CMIP: variants seen among roughly 807,000 people sequenced by gnomAD.
CMIP encodes the protein C-Maf-inducing protein.
A neutral mutation model predicts 97.3 loss-of-function variants in CMIP; 13 were observed. The ratio of observed to expected loss-of-function variants is 0.13; its 90% confidence interval spans 0.09 to 0.21. The LOEUF is 0.21. Ranked by LOEUF, CMIP falls within the 10% of genes least tolerant of loss-of-function variation. CMIP has a pLI of 1.00. For missense variants in CMIP, 847 were observed against 1,024.9 expected, an observed-to-expected ratio of 0.83 and a Z score of 2.37; for synonymous variants, 538 against 436.3, an observed-to-expected ratio of 1.23 and a Z score of -2.91.
intron 1 of CMIP, among the ~76,000 whole-genome samples, chr16:81,535,570 G>A (rs1002481827): frequency 1.3e-5 from 2 of 151,566 alleles, no homozygotes; most frequent in Admixed American, 6.6e-5. Context: ...GATCAGACAC[G>A]TGAATTTTGT....
chr16:81,670,902 T>C (rs1028613219), intron 8 of CMIP, among the ~76,000 whole-genome samples: 5 of 152,114 alleles, frequency 3.3e-5, no homozygotes, highest in African/African-American at 7.2e-5. Flanking sequence ...AGTCTCGGCT[T>C]ACTGCAACCT....
At chr16:81,566,358 G>A (rs1454783159) in intron 1 of CMIP, among the ~76,000 whole-genome samples, 1 of 152,226 alleles carries the variant, frequency 6.6e-6, no homozygotes, top group Non-Finnish European at 1.5e-5. Context: ...AGACAGTGAA[G>A]GAGCCTTCCT....
intron 1 of CMIP, among the ~76,000 whole-genome samples, chr16:81,545,778 C>A (rs2090534883): frequency 1.3e-5 from 2 of 152,212 alleles, no homozygotes; most frequent in Admixed American, 1.3e-4. Flanking sequence ...GCATAGAAGC[C>A]TTCCTGCCGG....
intron 1 of CMIP, among the ~76,000 whole-genome samples, chr16:81,509,733 A>G (rs2089776084): frequency 6.6e-6 from 1 of 152,060 alleles, no homozygotes; most frequent in Admixed American, 6.5e-5. Flanking sequence ...GTCTGAACAG[A>G]TGTCTCTTGA....
Position 81,610,269 on chromosome 16 carries a change from C to T in CMIP, c.426+2577C>T, listed in dbSNP as rs548148219. 4.5e-5 allele frequency: 44 copies of T among 976,144 alleles called. No homozygotes were observed. The East Asian group carries it at 9.1e-4, about 20-fold the overall frequency. 60.5% of individuals were successfully genotyped at this position (976,144 alleles called of 1,614,324 possible). A position where few individuals can be genotyped will look rare whatever the true frequency, so the allele number is the denominator to read the frequency against. ...GCCCAGCTGTGATGACTCGCCTGGC[C>T]GCCGTGTCTGGCAGGGCTTCAGGAC... On this transcript the variant is annotated intron_variant, in intron 2 of 20. Transcript: ENST00000537098.
At chr16:81,497,619 C>G (rs2089515076) in intron 1 of CMIP, among the ~76,000 whole-genome samples, 1 of 152,256 alleles carries the variant, frequency 6.6e-6, no homozygotes, top group African/African-American at 2.4e-5. Flanking sequence ...CCTCGGCAGA[C>G]TGGCTCTCCG....
Position 81,574,398 on chromosome 16 carries a change from A to C in CMIP, c.301-33169A>C, listed in dbSNP as rs569231175. ...GGCAGGAGGACATGGCAGGGGTGCC[A>C]GGCTTGGCAAGTGGCACTGTTTTCT... On this transcript the variant is annotated intron_variant, in intron 1 of 20. Coordinates refer to ENST00000537098, the MANE Select transcript of CMIP (RefSeq NM_198390.3). Among the ~76,000 whole-genome samples the C allele has an allele frequency of 7.0e-3, 1,069 of 152,336 alleles. 14 individuals are homozygous for C. The highest frequency in any genetic ancestry group is 0.024 in the African/African-American group (1,014 of 41,582).
At position 81,489,780 on chromosome 16, in the gene CMIP, G is replaced by C. The variant is rs147951255; in HGVS notation, c.300+44239G>C. Reference sequence around the variant, plus strand: ...TAGTGCCCAGCGAAGGGCCCTTCACGCTGGGAGCTTTTGGCAAATGCCAAC... The same window carrying C: ...TAGTGCCCAGCGAAGGGCCCTTCACCCTGGGAGCTTTTGGCAAATGCCAAC... On this transcript the variant is annotated intron_variant, in intron 1 of 20. Transcript: ENST00000537098. 3.4e-3 allele frequency among the ~76,000 whole-genome samples: 515 copies of C among 152,330 alleles called. 5 individuals carry two copies. Among genetic ancestry groups the C allele is most frequent in the African/African-American group, 0.012 (486 of 41,586 alleles).
chr16:81,480,323 T>C (rs1033712643), intron 1 of CMIP, among the ~76,000 whole-genome samples: 1 of 152,180 alleles, frequency 6.6e-6, no homozygotes, highest in Non-Finnish European at 1.5e-5. Flanking sequence ...GCAGATCACC[T>C]GAGGTCAGGA....
chr16:81,578,082 TCAC>T (rs1258578061), intron 1 of CMIP, among the ~76,000 whole-genome samples: 6 of 151,754 alleles, frequency 4.0e-5, no homozygotes, highest in Non-Finnish European at 7.4e-5. Context: ...ATCACCTTCA[TCAC>T]CACCATCATC....
intron 1 of CMIP, among the ~76,000 whole-genome samples, chr16:81,452,104 A>G (rs1906254075): frequency 6.6e-6 from 1 of 152,200 alleles, no homozygotes; most frequent in African/African-American, 2.4e-5. Flanking sequence ...TTCAGTAGCC[A>G]TTTCGTTACC....
At position 81,538,145 on chromosome 16, in the gene CMIP, C is replaced by T. The variant is rs79620474; in HGVS notation, c.301-69422C>T. ...CCATTCTTAGATGGGGGAACTGAGG[C>T]TCAGGCAAGTAAAATGACTTGCTCC... On this transcript the variant is annotated intron_variant, in intron 1 of 20. Coordinates refer to ENST00000537098, the MANE Select transcript of CMIP (RefSeq NM_198390.3). 8.7e-3 allele frequency among the ~76,000 whole-genome samples: 1,323 copies of T among 152,298 alleles called. 13 individuals carry two copies. Among genetic ancestry groups the T allele is most frequent in the African/African-American group, 0.03 (1,251 of 41,548 alleles).
At chr16:81,505,304 G>C (rs986804256) in intron 1 of CMIP, among the ~76,000 whole-genome samples, 21 of 152,308 alleles carry the variant, frequency 1.4e-4, no homozygotes, top group African/African-American at 5.1e-4. Context: ...CATGTGTTCT[G>C]AAAAAGGAGA....
intron 1 of CMIP, among the ~76,000 whole-genome samples, chr16:81,548,989 A>G (rs2090602958): frequency 6.6e-6 from 1 of 152,232 alleles, no homozygotes; most frequent in Admixed American, 6.5e-5. Flanking sequence ...CCACAGCTGG[A>G]CCATTGGTGC....
At position 81,627,836 on chromosome 16, in the gene CMIP, G is replaced by A. The variant is rs1275738369; in HGVS notation, c.477+6910G>A. Among the ~76,000 whole-genome samples, 4 of 152,186 alleles carry A rather than the reference G, an allele frequency of 2.6e-5. No homozygotes were observed. The highest frequency in any genetic ancestry group is 5.9e-5 in the Non-Finnish European group (4 of 68,004). On this transcript the variant is annotated intron_variant, in intron 3 of 20. Coordinates refer to ENST00000537098, the MANE Select transcript of CMIP (RefSeq NM_198390.3). This position sits in a 1 kb window ranked among gnomAD's most constrained non-coding sequence, Gnocchi z 4.6. Reference sequence around the variant, plus strand: ...CGCCTCGGGAATGAGTCTGTTCCATGTTCTGTGTTGGGAGCTGGCGCTGGG... The same window carrying A: ...CGCCTCGGGAATGAGTCTGTTCCATATTCTGTGTTGGGAGCTGGCGCTGGG...
chr16:81,495,786 C>T (rs758363645), intron 1 of CMIP, among the ~76,000 whole-genome samples: 6 of 152,234 alleles, frequency 3.9e-5, no homozygotes, highest in Non-Finnish European at 7.3e-5. Flanking sequence ...TGGCCACTCA[C>T]TCTCCTGGGG....
At chr16:81,685,590 G>A (rs1022127620) in intron 10 of CMIP, among the ~76,000 whole-genome samples, 5 of 151,888 alleles carry the variant, frequency 3.3e-5, no homozygotes, top group Non-Finnish European at 5.9e-5. Context: ...TGTCACCGAG[G>A]CTGGAGTATA....
chr16:81,508,020 A>C (rs978476168), intron 1 of CMIP, among the ~76,000 whole-genome samples: 2 of 152,126 alleles, frequency 1.3e-5, no homozygotes, highest in African/African-American at 4.8e-5. Flanking sequence ...CAACCTATCC[A>C]CCCATGCTTA....
At chr16:81,567,101 A>G (rs1400327889) in intron 1 of CMIP, among the ~76,000 whole-genome samples, 1 of 152,210 alleles carries the variant, frequency 6.6e-6, no homozygotes, top group African/African-American at 2.4e-5. Context: ...TACCTCCTGC[A>G]CCCAGAGACA....
Sources: allele counts gnomAD v4.1 joint callset (sites outside exome capture counted in the v4.1 genomes callset), GRCh38; gene constraint gnomAD v4.1.1; non-coding constraint Gnocchi (gnomAD v3.1); transcripts MANE v1.5; gene names NCBI Gene and HGNC (gene_info 2026-07-23, HGNC 2026-07-21).